Variants in APLP1 observed in about 807,000 individuals in gnomAD.
The protein encoded by APLP1 is amyloid beta precursor like protein 1.
APLP1 carries 46 observed loss-of-function variants against 84.5 expected under a neutral mutation model. The ratio of observed to expected loss-of-function variants is 0.54; its 90% CI spans 0.43 to 0.70. APLP1 has a LOEUF of 0.70. Ranked by LOEUF, APLP1 falls within the 30% of genes least tolerant of loss-of-function variation. The pLI, the probability that APLP1 is intolerant of heterozygous loss-of-function variation, is 0.00. For missense variants in APLP1, 826 were observed against 900.2 expected (o/e 0.92, Z 1.05); for synonymous variants, 376 against 364.0 (o/e 1.03, Z -0.38).
intron 2 of APLP1, 121 bp downstream of exon 2, chr19:35,869,931 G>T (rs1249273829): frequency 2.3e-6 from 3 of 1,288,572 alleles, no homozygotes; most frequent in Non-Finnish European, 3.1e-6. Context: ...CAATAAAGAG[G>T]CGCAACTATG....
At chr19:35,878,979 AG>A in intron 15 of APLP1, 27 bp downstream of exon 15, 7 of 1,613,922 alleles carry the variant, frequency 4.3e-6, no homozygotes, top group Non-Finnish European at 5.9e-6. Context: ...CCGGGTACCT[AG>A]GGGAAGAGAC....
At position 35,871,367 on chromosome 19, in the gene APLP1, C is replaced by A; in HGVS notation, c.537+18C>A. On this transcript the variant is annotated intron_variant, in intron 4 of 16. Coordinates refer to ENST00000221891, the MANE Select transcript of APLP1 (RefSeq NM_001024807.3). ...CACAGGAGGTCAGGACGTTGGCCCA[C>A]CCGTCCCCAGCCCCCACAACCCAGG... The A allele has an allele frequency of 6.3e-7, 1 of 1,585,696 alleles. No homozygotes were observed. Among genetic ancestry groups the A allele is most frequent in the Non-Finnish European group, 8.6e-7 (1 of 1,164,322 alleles).
At position 35,872,495 on chromosome 19, in the gene APLP1, C is replaced by T. The variant is rs377568407; in HGVS notation, c.863C>T (p.Pro288Leu). Residue 288 changes from proline to leucine, a missense_variant, in exon 7 of 17, where the codon CCG (proline) becomes CTG (leucine). Transcript: ENST00000221891. ...CCTGGTCTTGCAGTCACTCCCACCC[C>T]GAGGCCCACAGACGGTGTGGATATT... is the stretch of plus-strand genomic sequence containing the variant. The part of the protein sequence containing the change: ...LAVVGKVTPT[P>L]RPTDGVDIYF... 1.7e-5 allele frequency: 27 copies of T among 1,612,786 alleles called. No homozygotes were observed. Among genetic ancestry groups the T allele is most frequent in the African/African-American group, 1.1e-4 (8 of 74,988 alleles).
At chr19:35,869,558 T>G in intron 1 of APLP1, 109 bp from the exon 2 acceptor site, 1 of 1,442,302 alleles carries the variant, frequency 6.9e-7, no homozygotes. Context: ...TGTGCGGTGC[T>G]TGGGGGAGGG....
chr19:35,878,694 G>T (rs1205734416), intron 14 of APLP1, 40 bp downstream of exon 14: 14 of 1,610,166 alleles, frequency 8.7e-6, no homozygotes, highest in Non-Finnish European at 1.1e-5. Flanking sequence ...AGGGGAACAA[G>T]ATCGGGGCCT....
chr19:35,872,734 T>A (rs1184469791), intron 7 of APLP1, 121 bp downstream of exon 7: 1 of 1,050,690 alleles, frequency 9.5e-7, no homozygotes. Flanking sequence ...GACCTTGAGC[T>A]CTCAACACCA....
At position 35,876,601 on chromosome 19, in the gene APLP1, C is replaced by T; in HGVS notation, c.1429C>T (p.Leu477=). ...LDQNPHLAQE[L]RPQIQELLHS... ...CCAGAACCCCCACCTGGCTCAGGAG[C>T]TGCGGCCCCAAATCCGTGAGTGTCT... The change falls in exon 11 of 17, where the codon CTG becomes TTG. Residue 477 remains leucine, a synonymous_variant. Coordinates refer to ENST00000221891, the MANE Select transcript of APLP1 (RefSeq NM_001024807.3). The T allele has an allele frequency of 6.2e-7, 1 of 1,612,374 alleles. No homozygotes were observed. Among genetic ancestry groups the T allele is most frequent in the South Asian group, 1.1e-5 (1 of 90,820 alleles).
rs1974245764 is a variant in APLP1, at chr19:35,874,924, C to T, written c.1344+55C>T. The stretch of plus-strand genomic sequence containing the variant: ...GCCGCTATTCCTCAGACGCCCGCGC[C>T]TCAGGCTCTTCTCTTGTCCCTTAGA... On this transcript the variant is annotated intron_variant, in intron 10 of 16. Coordinates refer to ENST00000221891, the MANE Select transcript of APLP1 (RefSeq NM_001024807.3). The surrounding 1 kb of genome is among the most constrained non-coding windows in gnomAD (Gnocchi z 6.4). The T allele has an allele frequency of 1.9e-6, 3 of 1,582,242 alleles. No homozygotes were observed. Among genetic ancestry groups the T allele is most frequent in the African/African-American group, 2.7e-5 (2 of 74,656 alleles).
chr19:35,871,882 C>G lies in APLP1; in HGVS notation c.696C>G (p.Pro232=). The G allele has an allele frequency of 6.2e-7, 1 of 1,614,090 alleles. No homozygotes were observed. Among genetic ancestry groups the G allele is most frequent in the African/African-American group, 1.3e-5 (1 of 75,030 alleles). Residue 232 remains proline, a synonymous_variant, in exon 6 of 17, where the codon CCC becomes CCG. Coordinates refer to ENST00000221891, the MANE Select transcript of APLP1 (RefSeq NM_001024807.3). ...AVGDPSTRSW[P]PGSRVEGAED... Reference sequence around the variant, plus strand: ...GTGACCCCTCCACCCGGTCCTGGCCCCCGGGGAGCAGAGTAGAGGGGGCTG... The same window carrying G: ...GTGACCCCTCCACCCGGTCCTGGCCGCCGGGGAGCAGAGTAGAGGGGGCTG...
Position 35,874,362 on chromosome 19 carries a change from C to T in APLP1, c.1057-142C>T, listed in dbSNP as rs112067563. On this transcript the variant is annotated intron_variant, in intron 8 of 16. Transcript: ENST00000221891. This position sits in a 1 kb window ranked among gnomAD's most constrained non-coding sequence, Gnocchi z 6.4. ...GCCTGGCCCTGTAGCCCACCCCTTCCAGTCCATAACCTTTGGTTCTGCCCA... is the reference window on the plus strand; with the variant it reads ...GCCTGGCCCTGTAGCCCACCCCTTCTAGTCCATAACCTTTGGTTCTGCCCA... 5.7e-4 allele frequency: 577 copies of T among 1,010,496 alleles called. 3 individuals are homozygous for T. In the African/African-American group the frequency reaches 7.6e-3, roughly 13 times the overall value. 62.6% of individuals were successfully genotyped at this position (1,010,496 alleles called of 1,614,324 possible). A position where few individuals can be genotyped will look rare whatever the true frequency, so the allele number is the denominator to read the frequency against.
At chr19:35,869,534 C>T (rs1974085599) in intron 1 of APLP1, 133 bp from the exon 2 acceptor site, 2 of 1,276,946 alleles carry the variant, frequency 1.6e-6, no homozygotes, top group Admixed American at 4.3e-5. Flanking sequence ...GGAACGGTGC[C>T]TCCATGGAGG....
chr19:35,870,742 C>G lies in APLP1; in HGVS notation c.292-154C>G, dbSNP rs1003484402. ...GAGGTTGCAGTGAGCCGAGATTGTA[C>G]CATTCCACTCCAGCCTGGGCGACAA... On this transcript the variant is annotated intron_variant, in intron 2 of 16. Coordinates refer to ENST00000221891, the MANE Select transcript of APLP1 (RefSeq NM_001024807.3). 12 of 1,086,334 alleles carry G rather than the reference C, an allele frequency of 1.1e-5. No individual in the cohort carries two copies. In the Admixed American group the frequency reaches 1.8e-4, roughly 16 times the overall value. 67.3% of individuals were successfully genotyped at this position (1,086,334 alleles called of 1,614,324 possible).
intron 13 of APLP1, among the ~76,000 whole-genome samples, chr19:35,878,320 A>G (rs1158448272): frequency 6.6e-6 from 1 of 152,110 alleles, no homozygotes; most frequent in African/African-American, 2.4e-5. Flanking sequence ...CTGAGGCAGG[A>G]GGATCCCTTG....
chr19:35,869,088 C>A (rs933751367), intron 1 of APLP1: 62 of 312,382 alleles, frequency 2.0e-4, no homozygotes, highest in African/African-American at 1.3e-3. Flanking sequence ...GACATAGGAC[C>A]CACCAAGCAG....
intron 8 of APLP1, 117 bp downstream of exon 8, chr19:35,873,830 G>C: frequency 1.1e-6 from 1 of 897,022 alleles, no homozygotes; most frequent in Non-Finnish European, 1.8e-6. Flanking sequence ...ACCTATCTCA[G>C]CCTTTCCTGG....
rs1259812274 is a variant in APLP1 at position 35,869,788 on chromosome 19, G to T, written c.269G>T (p.Arg90Leu). The T allele has an allele frequency of 8.1e-6, 13 of 1,601,230 alleles. No homozygotes were observed. In the Admixed American group the frequency reaches 1.7e-4, roughly 21 times the overall value. Reference protein sequence around the residue: ...RSRRCLRDPQRVLEYCRQMYP... With the variant: ...RSRRCLRDPQLVLEYCRQMYP... ...CGACGCTGTCTCCGGGACCCGCAGC[G>T]CGTGCTGGAGTACTGCAGACAGGTG... Residue 90 changes from arginine (R) to leucine (L), a missense_variant, in exon 2 of 17, where the codon CGC becomes CTC. By Grantham distance (102) the Arg-to-Leu change is moderately radical. Around this residue, in one of 3 missense-constraint regions of APLP1, gnomAD observed 383 missense variants for 378.3 expected, o/e 1.01. Coordinates refer to ENST00000221891, the MANE Select transcript of APLP1 (RefSeq NM_001024807.3).
intron 2 of APLP1, chr19:35,870,611 C>A: frequency 2.8e-6 from 1 of 352,172 alleles, no homozygotes; most frequent in East Asian, 6.4e-5. Flanking sequence ...CGGCGAAACT[C>A]CGTCTCTACT....
chr19:35,874,830 C>G lies in APLP1; in HGVS notation c.1305C>G (p.Ala435=). 1.2e-6 allele frequency: 2 copies of G among 1,611,610 alleles called. No homozygotes were observed. Among genetic ancestry groups the G allele is most frequent in the Non-Finnish European group, 1.7e-6 (2 of 1,179,982 alleles). The stretch of plus-strand genomic sequence containing the variant: ...CGCTGCGCCACTACCAGCATGTGGC[C>G]GCCGTGGATCCCGAGAAGGCACAGC... ...RHTLRHYQHV[A]AVDPEKAQQM... The change falls in exon 10 of 17, where the codon GCC becomes GCG. Residue 435 remains alanine, a synonymous_variant. Coordinates refer to ENST00000221891, the MANE Select transcript of APLP1 (RefSeq NM_001024807.3). The surrounding 1 kb of genome is among the most constrained non-coding windows in gnomAD (Gnocchi z 6.4).
At chr19:35,878,246 C>A in intron 13 of APLP1, 138 bp downstream of exon 13, 2 of 988,312 alleles carry the variant, frequency 2.0e-6, no homozygotes, top group Non-Finnish European at 3.1e-6. Context: ...TCCTCTGGAC[C>A]CTAAAGAATG....
Sources: allele counts gnomAD v4.1 joint callset (sites outside exome capture counted in the v4.1 genomes callset), GRCh38; gene constraint gnomAD v4.1.1; regional missense constraint gnomAD v4.1.1; non-coding constraint Gnocchi (gnomAD v3.1); transcripts MANE v1.5; gene names NCBI Gene and HGNC (gene_info 2026-07-23, HGNC 2026-07-21).